Variants in SEMA3D observed in about 807,000 individuals in gnomAD.
The protein encoded by SEMA3D is semaphorin-3D.
In SEMA3D, 84 loss-of-function variants were observed where a neutral mutation model predicts 100.1. The observed-to-expected ratio is 0.84, with a 90% CI of 0.70 to 1.01. The LOEUF (loss-of-function observed/expected upper bound fraction) is 1.01. Ranked by LOEUF, SEMA3D falls within the 50% of genes least tolerant of loss-of-function variation. The probability of loss-of-function intolerance (pLI) is 0.00; values close to 1 mark genes in which losing one functional copy is unlikely to be tolerated. For missense variants in SEMA3D, 875 were observed against 934.1 expected, an observed-to-expected ratio of 0.94 and a Z score of 0.82; for synonymous variants, 312 against 320.7, an observed-to-expected ratio of 0.97 and a Z score of 0.29.
intron 4 of SEMA3D, among the ~76,000 whole-genome samples, chr7:85,095,097 T>G (rs1056765177): frequency 6.6e-6 from 1 of 152,048 alleles, no homozygotes. Context: ...TTTCTTCCTC[T>G]GCAATCATTT....
At chr7:85,036,851 C>T (rs551520193) in intron 12 of SEMA3D, 38 bp downstream of exon 12, 20 of 1,523,362 alleles carry the variant, frequency 1.3e-5, no homozygotes. Context: ...TAAATATGAG[C>T]TTAAGAAAAT....
rs185835997 is a variant in SEMA3D at position 85,154,427 on chromosome 7, C to T, written c.-172-688G>A. On this transcript the variant is annotated intron_variant, in intron 1 of 18. Transcript: ENST00000284136. The stretch of plus-strand genomic sequence containing the variant: ...TCAGGGAAATGGGCAGCGAATCATA[C>T]TCTTGGTATCCCATCAAGCCTCATG... 1.4e-3 allele frequency among the ~76,000 whole-genome samples: 215 copies of T among 152,162 alleles called. 2 individuals carry two copies. The highest frequency in any genetic ancestry group is 2.0e-3 in the Non-Finnish European group (133 of 68,002).
At position 85,068,219 on chromosome 7, in the gene SEMA3D, A is replaced by C; in HGVS notation, c.561T>G (p.Pro187=). The stretch of plus-strand genomic sequence containing the variant: ...TCATTACTGAAGCAAAAGGCTGCTG[A>C]GGATCGAAAGGACATTTCAGTCTGC... ...ESGRLKCPFD[P]QQPFASVMTD... The change falls in exon 7 of 19, where the codon CCT becomes CCG. Residue 187 remains proline (P), a synonymous_variant. Transcript: ENST00000284136. 6.2e-7 allele frequency: 1 copy of C among 1,606,464 alleles called. No individual in the cohort carries two copies. Among genetic ancestry groups the C allele is most frequent in the Non-Finnish European group, 8.5e-7 (1 of 1,173,110 alleles).
At chr7:85,163,042 T>C in intron 1 of SEMA3D, 2 of 891,914 alleles carry the variant, frequency 2.2e-6, no homozygotes, top group Non-Finnish European at 2.7e-6. Context: ...AGTAAGAATA[T>C]AAAAGAAGTA....
chr7:85,174,960 C>T (rs17648312), intron 1 of SEMA3D, among the ~76,000 whole-genome samples: 27,818 of 152,002 alleles, frequency 0.18, 2,757 homozygotes, highest in Non-Finnish European at 0.23. Flanking sequence ...TCCTAATACA[C>T]TATCAAAGCA....
chr7:85,029,362 G>T, intron 12 of SEMA3D: 3 of 1,336,994 alleles, frequency 2.2e-6, no homozygotes, highest in Admixed American at 1.7e-5. Flanking sequence ...GAGGGACAAG[G>T]TGTCATCCAA....
At chr7:85,119,097 T>G (rs182486747) in intron 3 of SEMA3D, among the ~76,000 whole-genome samples, 2 of 152,178 alleles carry the variant, frequency 1.3e-5, no homozygotes, top group African/African-American at 4.8e-5. Flanking sequence ...ATGGCTATTA[T>G]ATAAAAAGTC....
At chr7:85,057,118 G>A (rs189920668) in intron 8 of SEMA3D, among the ~76,000 whole-genome samples, 34 of 151,988 alleles carry the variant, frequency 2.2e-4, no homozygotes, top group Admixed American at 2.1e-3. Flanking sequence ...GTACTGACCT[G>A]GAAAGATGGC....
At chr7:85,136,451 T>C (rs1789870695) in intron 2 of SEMA3D, among the ~76,000 whole-genome samples, 1 of 152,160 alleles carries the variant, frequency 6.6e-6, no homozygotes, top group Non-Finnish European at 1.5e-5. Context: ...GCATTTGATT[T>C]ATTTAAAGCA....
intron 3 of SEMA3D, among the ~76,000 whole-genome samples, chr7:85,108,632 C>A (rs1372405119): frequency 1.3e-5 from 2 of 152,026 alleles, no homozygotes. Context: ...GTTTAAAATA[C>A]ACTGTGCCCC....
intron 13 of SEMA3D, among the ~76,000 whole-genome samples, chr7:85,021,255 T>A (rs1045674625): frequency 6.6e-6 from 1 of 151,824 alleles, no homozygotes; most frequent in African/African-American, 2.4e-5. Flanking sequence ...TAGCAGTCTA[T>A]AATTTTCTCA....
the SEMA3D span, among the ~76,000 whole-genome samples, chr7:85,215,216 A>AAT: frequency 1.3e-5 from 2 of 151,838 alleles, no homozygotes; most frequent in African/African-American, 2.4e-5. Flanking sequence ...GCACTCATTA[A>AAT]CTAGGGCTTT....
At chr7:85,210,581 A>G in the SEMA3D span, among the ~76,000 whole-genome samples, 1 of 152,008 alleles carries the variant, frequency 6.6e-6, no homozygotes, top group Admixed American at 6.6e-5. Flanking sequence ...GTCCTACATT[A>G]GAAACATTTA....
chr7:85,094,378 A>G (rs1583916023), intron 4 of SEMA3D, among the ~76,000 whole-genome samples: 1 of 152,046 alleles, frequency 6.6e-6, no homozygotes, highest in East Asian at 1.9e-4. Context: ...ATAGGAGAAA[A>G]GGATAAACTA....
intron 2 of SEMA3D, among the ~76,000 whole-genome samples, chr7:85,132,852 T>C (rs1264732114): frequency 6.6e-6 from 1 of 152,074 alleles, no homozygotes; most frequent in East Asian, 1.9e-4. Context: ...AGAAGCATAA[T>C]ATGGATCTTA....
At chr7:85,220,752 A>G in the SEMA3D span, among the ~76,000 whole-genome samples, 1 of 152,150 alleles carries the variant, frequency 6.6e-6, no homozygotes, top group Non-Finnish European at 1.5e-5. Context: ...TATTTAAAAG[A>G]CAGCTATCTA....
chr7:85,219,833 A>T, the SEMA3D span, among the ~76,000 whole-genome samples: 1 of 152,130 alleles, frequency 6.6e-6, no homozygotes, highest in Non-Finnish European at 1.5e-5. Context: ...TTATGAAAGA[A>T]AAATCAATAA....
intron 17 of SEMA3D, among the ~76,000 whole-genome samples, chr7:85,011,678 C>T (rs1026270394): frequency 1.3e-5 from 2 of 151,702 alleles, no homozygotes; most frequent in African/African-American, 2.4e-5. Flanking sequence ...GCATATGTAT[C>T]GCACAGTAAT....
At chr7:85,165,126 T>A (rs1790865990) in intron 1 of SEMA3D, among the ~76,000 whole-genome samples, 1 of 151,866 alleles carries the variant, frequency 6.6e-6, no homozygotes, top group Non-Finnish European at 1.5e-5. Flanking sequence ...ATAGACGAGT[T>A]AATGGGTGCA....
Sources: gnomAD v4.1 joint callset for allele counts (sites outside exome capture counted in the v4.1 genomes callset) on GRCh38, gnomAD v4.1.1 for gene constraint, MANE v1.5 for transcripts, NCBI Gene and HGNC (gene_info 2026-07-23, HGNC 2026-07-21) for gene names.